TNN: variants seen among roughly 807,000 people sequenced by gnomAD.
TNN encodes tenascin N, also known as tenascin-N.
TNN carries 122 observed loss-of-function variants against 134.4 expected under a neutral mutation model. That is an observed-to-expected ratio of 0.91 (90% CI 0.78 to 1.06). TNN has a LOEUF of 1.06. Ranked by LOEUF, TNN falls within the 50% of genes least tolerant of loss-of-function variation. The pLI is 0.00. For missense variants in TNN, 1,739 were observed against 1,699.4 expected (o/e 1.02, Z -0.41); for synonymous variants, 710 against 670.3 (o/e 1.06, Z -0.91).
chr1:175,094,220 G>A lies in TNN; in HGVS notation c.1555G>A (p.Gly519Arg). The stretch of plus-strand genomic sequence containing the variant: ...CGTGTGGGCTGAAAGGGGCAACCAG[G>A]GGAGCAAGAAAGCTGACACCAATGC... ...VYVWAERGNQGSKKADTNALT... is the reference protein window; with the variant it reads ...VYVWAERGNQRSKKADTNALT... The change falls in exon 7 of 19, where the codon GGG becomes AGG. Residue 519 changes from glycine to arginine, a missense_variant. By Grantham distance (125) the Gly-to-Arg change is moderately radical. Transcript: ENST00000239462. 1 of 1,611,218 alleles carries A rather than the reference G, an allele frequency of 6.2e-7. No homozygotes were observed. The highest frequency in any genetic ancestry group is 8.5e-7 in the Non-Finnish European group (1 of 1,178,134).
Position 175,097,674 on chromosome 1 carries a change from G to T in TNN, c.1846G>T (p.Ala616Ser). 1 of 1,614,122 alleles carries T rather than the reference G, an allele frequency of 6.2e-7. No individual in the cohort carries two copies. The change falls in exon 8 of 19, where the codon GCC (alanine) becomes TCC (serine). Residue 616 changes from alanine (A) to serine (S), a missense_variant. Transcript: ENST00000239462. ...DRESKKADTN[A>S]PTDIDSPKNL... ...AGAGAGCAAGAAGGCTGACACCAACGCCCCGACAGGTAACAAAAGAGAGAT... is the reference window on the plus strand; with the variant it reads ...AGAGAGCAAGAAGGCTGACACCAACTCCCCGACAGGTAACAAAAGAGAGAT...
Position 175,118,714 on chromosome 1 carries a change from A to T in TNN, c.2540A>T (p.Gln847Leu). The change falls in exon 11 of 19, where the codon CAG becomes CTG. Residue 847 changes from glutamine to leucine, a missense_variant. Transcript: ENST00000239462. ...ETREVPVGKE[Q>L]SSTVLTGLRP... ...AGGGAGGTTCCAGTGGGGAAGGAGC[A>T]GAGCAGCACTGTCCTGACGGGCCTG... The T allele has an allele frequency of 6.2e-7, 1 of 1,614,268 alleles. No individual in the cohort carries two copies. The highest frequency in any genetic ancestry group is 8.5e-7 in the Non-Finnish European group (1 of 1,180,054).
intron 9 of TNN, among the ~76,000 whole-genome samples, chr1:175,102,370 G>T (rs1674746847): frequency 6.8e-6 from 1 of 146,082 alleles, no homozygotes; most frequent in South Asian, 2.3e-4. Context: ...CGTCGGGGAG[G>T]CTCGGGCTGC....
intron 6 of TNN, among the ~76,000 whole-genome samples, chr1:175,088,475 G>A (rs1310247898): frequency 6.6e-6 from 1 of 152,072 alleles, no homozygotes; most frequent in Non-Finnish European, 1.5e-5. Flanking sequence ...TTTTCATACT[G>A]TTTGCTTCCT....
chr1:175,079,354 G>A lies in TNN; in HGVS notation c.431G>A (p.Gly144Asp), dbSNP rs112337482. Residue 144 changes from glycine (G) to aspartate (D), a missense_variant, in exon 3 of 19, where the codon GGC becomes GAC. Gly to Asp is a moderately conservative substitution (Grantham distance 94, BLOSUM62 -1). Coordinates refer to ENST00000239462, the MANE Select transcript of TNN (RefSeq NM_022093.2). ...GVTDLSRHCS[G>D]HGTFSLETCS... ...CCAGATCTAAGCCGCCACTGCAGCG[G>A]CCACGGGACCTTCTCCCTGGAGACC... 6.9e-6 allele frequency: 11 copies of A among 1,597,616 alleles called. No homozygotes were observed. The African/African-American group carries it at 8.0e-5, about 12-fold the overall frequency.
At chr1:175,146,728 C>T (rs554672553) in intron 18 of TNN, among the ~76,000 whole-genome samples, 1 of 151,986 alleles carries the variant, frequency 6.6e-6, no homozygotes, top group East Asian at 1.9e-4. Flanking sequence ...CCCGTCTAAC[C>T]CCAGCTGCCC....
At position 175,104,581 on chromosome 1, in the gene TNN, G is replaced by A. The variant is rs552398482; in HGVS notation, c.2119+5986G>A. On this transcript the variant is annotated intron_variant, in intron 9 of 18. Coordinates refer to ENST00000239462, the MANE Select transcript of TNN (RefSeq NM_022093.2). Reference sequence around the variant, plus strand: ...AACCACCAAGGTTTGTTTGTCTGAGGGCCATGACTAAGGCTGCGGCCTTTC... The same window carrying A: ...AACCACCAAGGTTTGTTTGTCTGAGAGCCATGACTAAGGCTGCGGCCTTTC... 1.4e-4 allele frequency among the ~76,000 whole-genome samples: 21 copies of A among 145,684 alleles called. 2 individuals carry two copies. The South Asian group carries it at 4.6e-3, about 32-fold the overall frequency.
At chr1:175,130,229 T>C (rs1182193307) in intron 15 of TNN, among the ~76,000 whole-genome samples, 1 of 152,188 alleles carries the variant, frequency 6.6e-6, no homozygotes, top group Non-Finnish European at 1.5e-5. Flanking sequence ...ACCTTATTCA[T>C]TTACACATTC....
At chr1:175,127,849 G>T (rs1370312393) in intron 13 of TNN, among the ~76,000 whole-genome samples, 183 bp from the exon 14 acceptor site, 1 of 152,214 alleles carries the variant, frequency 6.6e-6, no homozygotes, top group Admixed American at 6.5e-5. Flanking sequence ...CCATGGCATG[G>T]CTCTCCAGAG....
chr1:175,143,999 G>T (rs1361126354), intron 17 of TNN, among the ~76,000 whole-genome samples: 2 of 152,146 alleles, frequency 1.3e-5, no homozygotes, highest in Admixed American at 6.5e-5. Flanking sequence ...ATGGCTCCAG[G>T]TTCCAGGTCT....
intron 17 of TNN, among the ~76,000 whole-genome samples, chr1:175,141,489 A>C (rs748795747): frequency 3.8e-4 from 58 of 152,170 alleles, no homozygotes; most frequent in Non-Finnish European, 5.6e-4. Context: ...CACCTGAAAA[A>C]GAAAAAAAAA....
intron 9 of TNN, among the ~76,000 whole-genome samples, chr1:175,109,070 G>GTTTTTTTTTT (rs1338891175): frequency 3.4e-5 from 3 of 88,342 alleles, no homozygotes; most frequent in African/African-American, 1.2e-4. Flanking sequence ...CTATCTAACT[G>GTTTTTTTTTT]TATTTTTTTT....
At chr1:175,144,306 G>T in intron 17 of TNN, 81 bp from the exon 18 acceptor site, 1 of 1,385,700 alleles carries the variant, frequency 7.2e-7, no homozygotes, top group South Asian at 1.3e-5. Context: ...CATGCCTAGA[G>T]ATCTTCCTGC....
At chr1:175,100,405 T>A (rs1230664809) in intron 9 of TNN, among the ~76,000 whole-genome samples, 1 of 152,244 alleles carries the variant, frequency 6.6e-6, no homozygotes, top group Non-Finnish European at 1.5e-5. Context: ...AACTGCTTAT[T>A]CAAGGCTTGG....
intron 11 of TNN, among the ~76,000 whole-genome samples, chr1:175,120,593 G>T (rs1400277214): frequency 6.6e-6 from 1 of 152,164 alleles, no homozygotes; most frequent in African/African-American, 2.4e-5. Flanking sequence ...AGTGGGAAGA[G>T]GCATGATGAA....
At chr1:175,078,255 A>G (rs1168176421) in intron 2 of TNN, among the ~76,000 whole-genome samples, 2 of 152,178 alleles carry the variant, frequency 1.3e-5, no homozygotes, top group African/African-American at 4.8e-5. Flanking sequence ...ATGTTTCCTC[A>G]ACTGTCCAAC....
chr1:175,147,159 G>A lies in TNN; in HGVS notation c.*88G>A. The A allele has an allele frequency of 3.2e-6, 4 of 1,256,358 alleles. No individual in the cohort carries two copies. The highest frequency in any genetic ancestry group is 2.8e-4 in the Middle Eastern group (1 of 3,518). 77.8% of individuals were successfully genotyped at this position (1,256,358 alleles called of 1,614,324 possible). A position where few individuals can be genotyped will look rare whatever the true frequency, so the allele number is the denominator to read the frequency against. ...GTAGTGGTCACTGCGGTCTGGGAGT[G>A]CTCAGATAGCCCGCAGAACAAATCA... On this transcript the variant is annotated 3_prime_UTR_variant, in exon 19 of 19. Transcript: ENST00000239462.
intron 7 of TNN, among the ~76,000 whole-genome samples, chr1:175,094,647 C>T (rs891516424): frequency 2.0e-5 from 3 of 152,146 alleles, no homozygotes; most frequent in East Asian, 3.8e-4. Context: ...TCTTTTAGAC[C>T]GTGGAAATAG....
At chr1:175,111,482 G>T (rs1675021722) in intron 9 of TNN, among the ~76,000 whole-genome samples, 1 of 74,644 alleles carries the variant, frequency 1.3e-5, no homozygotes, top group Non-Finnish European at 2.2e-5. Context: ...GCGAGACTCT[G>T]TCTCAAAAAA....
Sources: allele counts gnomAD v4.1 joint callset (sites outside exome capture counted in the v4.1 genomes callset), GRCh38; gene constraint gnomAD v4.1.1; transcripts MANE v1.5; gene names NCBI Gene and HGNC (gene_info 2026-07-23, HGNC 2026-07-21).